The following TJP2 variants were observed in gnomAD, a reference collection of about 807,000 sequenced individuals.
TJP2 encodes Friedreich ataxia region gene X104 (tight junction protein ZO-2).
A neutral mutation model predicts 133.1 loss-of-function variants in TJP2; 91 were observed. That is an observed-to-expected ratio of 0.68 (90% confidence interval 0.58 to 0.81). The LOEUF is 0.81. Among genes scored for constraint, TJP2 ranks in the 40% least tolerant of loss-of-function variants. The probability of loss-of-function intolerance (pLI) is 0.00; values close to 1 mark genes in which losing one functional copy is unlikely to be tolerated. For synonymous variants in TJP2, 592 were observed against 583.4 expected (o/e 1.01, Z -0.21); for missense variants, 1,541 against 1,565.6 (o/e 0.98, Z 0.26).
chr9:69,221,361 G>GT lies in TJP2; in HGVS notation c.817_818insT (p.Ala273ValfsTer28). The GT allele has an allele frequency of 6.3e-7, 1 of 1,583,002 alleles. No individual in the cohort carries two copies. On this transcript the variant is annotated frameshift_variant, in exon 5 of 23. Coordinates refer to ENST00000377245, the MANE Select transcript of TJP2 (RefSeq NM_004817.4). LOFTEE classifies it high-confidence loss of function. ...CTACAGCCCGGAGTACAGGCGCGGG[G>GT]CCCGCCACGATGCCCGCTCTCGGGG...
intron 1 of TJP2, among the ~76,000 whole-genome samples, chr9:69,133,986 A>C (rs936855039): frequency 6.1e-5 from 5 of 81,578 alleles, no homozygotes; most frequent in African/African-American, 2.3e-4. Context: ...TCTCTTTCCC[A>C]AGCCAAGTCC....
intron 20 of TJP2, among the ~76,000 whole-genome samples, chr9:69,250,531 G>A (rs1419039809): frequency 1.3e-5 from 2 of 152,168 alleles, no homozygotes; most frequent in South Asian, 4.1e-4. Flanking sequence ...TTTGCAAGCC[G>A]GGCAAGACTG....
upstream of TJP2, among the ~76,000 whole-genome samples, chr9:69,171,175 C>T: frequency 6.6e-6 from 1 of 152,170 alleles, no homozygotes; most frequent in South Asian, 2.1e-4. Context: ...AGCCAGAAAC[C>T]TGAGAGTCAG....
At chr9:69,238,657 G>C in intron 15 of TJP2, 53 bp from the exon 16 acceptor site, 1 of 1,431,950 alleles carries the variant, frequency 7.0e-7, no homozygotes, top group South Asian at 1.2e-5. Context: ...GGGAGTATTT[G>C]GTTGTCACTG....
Position 69,152,359 on chromosome 9 carries a change from A to G in TJP2, c.-10+588A>G, listed in dbSNP as rs368343492. On this transcript the variant is annotated intron_variant, in intron 2 of 5. Transcript: ENST00000423935. The stretch of plus-strand genomic sequence containing the variant: ...ATGTGGGATGCATTTGTTTTTTGTT[A>G]CACTTTGACCTCTGTTTATAGGCCA... 2.8e-4 allele frequency among the ~76,000 whole-genome samples: 43 copies of G among 152,240 alleles called. No homozygotes were observed. The East Asian group carries it at 6.0e-3, about 21-fold the overall frequency.
chr9:69,122,157 G>A (rs912233882), intron 1 of TJP2: 7 of 152,240 alleles, frequency 4.6e-5, no homozygotes, highest in African/African-American at 1.4e-4. Flanking sequence ...TTCACTCAAG[G>A]GATGGAAACT....
chr9:69,247,490 T>G (rs1217035941), intron 18 of TJP2, among the ~76,000 whole-genome samples: 1 of 152,200 alleles, frequency 6.6e-6, no homozygotes, highest in Non-Finnish European at 1.5e-5. Flanking sequence ...GTTTTGCTCT[T>G]TGAGAACTAG....
chr9:69,126,689 G>T (rs1426616015), intron 1 of TJP2, among the ~76,000 whole-genome samples: 1 of 77,302 alleles, frequency 1.3e-5, no homozygotes, highest in East Asian at 3.9e-4. Context: ...CAAAGGCTAC[G>T]CACCTCCATT....
At chr9:69,244,003 A>G (rs1225604791) in intron 17 of TJP2, among the ~76,000 whole-genome samples, 5 of 151,804 alleles carry the variant, frequency 3.3e-5, no homozygotes, top group Non-Finnish European at 5.9e-5. Flanking sequence ...GGGCAACATG[A>G]TGAAACCCTG....
At chr9:69,231,346 C>T (rs1235518058) in intron 11 of TJP2, among the ~76,000 whole-genome samples, 3 of 152,184 alleles carry the variant, frequency 2.0e-5, no homozygotes, top group Admixed American at 6.5e-5. Context: ...AGTCCACATG[C>T]CTTGGCCTCC....
intron 2 of TJP2, among the ~76,000 whole-genome samples, chr9:69,165,555 CTTAGT>C (rs953937342): frequency 6.6e-6 from 1 of 152,100 alleles, no homozygotes; most frequent in Non-Finnish European, 1.5e-5. Flanking sequence ...CATTGAATGA[CTTAGT>C]ATAGTATATG....
intron 1 of TJP2, among the ~76,000 whole-genome samples, chr9:69,197,664 G>A (rs1160086004): frequency 1.3e-5 from 2 of 152,162 alleles, no homozygotes; most frequent in Non-Finnish European, 2.9e-5. Context: ...ACTGAGCAAT[G>A]CTCTCCAGAA....
chr9:69,215,329 T>TAAAAA (rs1828275474), intron 2 of TJP2, among the ~76,000 whole-genome samples: 1 of 101,252 alleles, frequency 9.9e-6, no homozygotes, highest in African/African-American at 4.2e-5. Flanking sequence ...AAAAATAAAA[T>TAAAAA]TAAAAAGGAT....
intron 1 of TJP2, among the ~76,000 whole-genome samples, chr9:69,139,821 G>T (rs1388728838): frequency 6.6e-6 from 1 of 152,180 alleles, no homozygotes; most frequent in East Asian, 1.9e-4. Context: ...TTTACCAAGA[G>T]CAATAGCTCT....
intron 1 of TJP2, among the ~76,000 whole-genome samples, chr9:69,191,534 G>T (rs1212680199): frequency 2.0e-5 from 3 of 152,152 alleles, no homozygotes; most frequent in Non-Finnish European, 1.5e-5. Flanking sequence ...TGGCTTAGAA[G>T]GTTCAGAAAG....
chr9:69,196,607 TTA>T (rs1001274149), intron 1 of TJP2, among the ~76,000 whole-genome samples: 2 of 123,096 alleles, frequency 1.6e-5, no homozygotes, highest in African/African-American at 2.7e-5. Flanking sequence ...GATCTTTTTT[TTA>T]AAAACAGCTT....
Position 69,169,037 on chromosome 9 carries a change from C to T in TJP2, c.-10+17266C>T, listed in dbSNP as rs370460095. On this transcript the variant is annotated intron_variant, in intron 2 of 5. Coordinates refer to the TJP2 transcript ENST00000423935. ...AGATGAGGCTACCTGGAAGTGGGGGCGGGGACGGGGGAGGACACAAGGCCT... is the reference window on the plus strand; with the variant it reads ...AGATGAGGCTACCTGGAAGTGGGGGTGGGGACGGGGGAGGACACAAGGCCT... 7.9e-4 allele frequency among the ~76,000 whole-genome samples: 119 copies of T among 150,800 alleles called. No individual in the cohort carries two copies. In the East Asian group the frequency reaches 0.013, roughly 16 times the overall value.
At chr9:69,172,094 G>A (rs901622024), upstream of TJP2, among the ~76,000 whole-genome samples, 2 of 152,072 alleles carry the variant, frequency 1.3e-5, no homozygotes, top group Admixed American at 1.3e-4. Flanking sequence ...CGCGCCCTGC[G>A]GAGTAGAAGT....
chr9:69,222,213 C>T (rs1466252193), intron 5 of TJP2, among the ~76,000 whole-genome samples: 1 of 141,518 alleles, frequency 7.1e-6, no homozygotes, highest in Non-Finnish European at 1.5e-5. Context: ...CTCACTGTGT[C>T]ACCCTGGCTG....
Sources: allele counts gnomAD v4.1 joint callset (sites outside exome capture counted in the v4.1 genomes callset), GRCh38; gene constraint gnomAD v4.1.1; transcripts MANE v1.5; gene names NCBI Gene and HGNC (gene_info 2026-07-23, HGNC 2026-07-21).